Variants in TBC1D9 observed in about 807,000 individuals in gnomAD.
TBC1D9 encodes the protein TBC1 domain family member 9A.
A neutral mutation model predicts 132.0 loss-of-function variants in TBC1D9; 63 were observed. The observed-to-expected ratio is 0.48, with a 90% CI of 0.39 to 0.59. The LOEUF is 0.59. Ranked by LOEUF, TBC1D9 falls within the 20% of genes least tolerant of loss-of-function variation. The pLI is 0.00. For missense variants in TBC1D9, 1,261 were observed against 1,592.7 expected, an observed-to-expected ratio of 0.79 and a Z score of 3.54; for synonymous variants, 610 against 609.9, an observed-to-expected ratio of 1.00 and a Z score of 0.00.
At chr4:140,637,422 GTCC>G (rs1473273820) in intron 15 of TBC1D9, among the ~76,000 whole-genome samples, 1 of 151,798 alleles carries the variant, frequency 6.6e-6, no homozygotes, top group African/African-American at 2.4e-5. Context: ...GCCAGCCCTG[GTCC>G]TCCTTCTTTT....
intron 1 of TBC1D9, among the ~76,000 whole-genome samples, chr4:140,748,326 G>A (rs543728748): frequency 3.1e-4 from 47 of 152,218 alleles, no homozygotes; most frequent in South Asian, 1.0e-3. Context: ...TAGCCAAAAT[G>A]AAGTAAAACT....
At chr4:140,712,817 G>A (rs895634582) in intron 1 of TBC1D9, among the ~76,000 whole-genome samples, 2 of 151,928 alleles carry the variant, frequency 1.3e-5, no homozygotes, top group African/African-American at 2.4e-5. Context: ...GCCCATGCTG[G>A]AATGCAGTGG....
intron 1 of TBC1D9, among the ~76,000 whole-genome samples, chr4:140,725,148 T>C (rs778596083): frequency 7.9e-5 from 12 of 152,014 alleles, no homozygotes; most frequent in African/African-American, 2.7e-4. Flanking sequence ...TGCCGAAAAA[T>C]AGAATAAACG....
chr4:140,646,663 C>A (rs1488154921), intron 13 of TBC1D9, among the ~76,000 whole-genome samples: 1 of 152,032 alleles, frequency 6.6e-6, no homozygotes, highest in Non-Finnish European at 1.5e-5. Context: ...AAGGACTAAT[C>A]CAGGGAATTG....
At chr4:140,715,448 T>G (rs1560894247) in intron 1 of TBC1D9, among the ~76,000 whole-genome samples, 2 of 152,166 alleles carry the variant, frequency 1.3e-5, no homozygotes, top group South Asian at 4.1e-4. Flanking sequence ...CAAGTTGAAT[T>G]CATAGTACCT....
chr4:140,621,256 ATT>A lies in TBC1D9; in HGVS notation c.*937_*938del, dbSNP rs1307926531. Reference sequence around the variant, plus strand: ...TGGTCATATGCGATATGTGGTATAAATTTCTTCAATCTATGGAGAATACGGAA... The same window carrying A: ...TGGTCATATGCGATATGTGGTATAAATCTTCAATCTATGGAGAATACGGAA... On this transcript the variant is annotated 3_prime_UTR_variant, in exon 21 of 21. Transcript: ENST00000442267. The A allele has an allele frequency of 6.6e-6, 1 of 152,624 alleles. No homozygotes were observed. The highest frequency in any genetic ancestry group is 2.4e-5 in the African/African-American group (1 of 41,442). The allele number at this position is 152,624 out of a possible 1,614,324, so 9.5% of individuals were successfully genotyped here.
chr4:140,688,237 G>C (rs148989405), intron 2 of TBC1D9, among the ~76,000 whole-genome samples: 127 of 152,352 alleles, frequency 8.3e-4, no homozygotes, highest in African/African-American at 2.8e-3. Context: ...TGGGATAACT[G>C]TCCTACAATG....
At chr4:140,738,971 A>T (rs1164994931) in intron 1 of TBC1D9, among the ~76,000 whole-genome samples, 2 of 152,170 alleles carry the variant, frequency 1.3e-5, no homozygotes, top group South Asian at 2.1e-4. Flanking sequence ...GCCTCACTCT[A>T]CTAGCTCCCT....
rs975889955 is a variant in TBC1D9, at chr4:140,756,364, G to T, written c.-319C>A. On this transcript the variant is annotated 5_prime_UTR_variant, in exon 1 of 21. Transcript: ENST00000442267. This position sits in a 1 kb window ranked among gnomAD's most constrained non-coding sequence, Gnocchi z 5.6. ...GCAGCCCGGCTCCCGGCCCACGGCG[G>T]CGGGAGGAGCGGGAGGAGGAGGAAG... 1.3e-5 allele frequency among the ~76,000 whole-genome samples: 2 copies of T among 152,086 alleles called. No homozygotes were observed. The highest frequency in any genetic ancestry group is 1.5e-5 in the Non-Finnish European group (1 of 67,954).
chr4:140,755,459 T>A (rs1172626484), intron 1 of TBC1D9, among the ~76,000 whole-genome samples: 1 of 152,168 alleles, frequency 6.6e-6, no homozygotes. Flanking sequence ...CCACATCAGT[T>A]CCTTACTTAT....
chr4:140,634,001 A>G lies in TBC1D9; in HGVS notation c.2693T>C (p.Leu898Ser). The G allele has an allele frequency of 3.1e-6, 5 of 1,613,956 alleles. No homozygotes were observed. Among genetic ancestry groups the G allele is most frequent in the Non-Finnish European group, 4.2e-6 (5 of 1,179,872 alleles). Reference protein sequence around the residue: ...DVLASRLFQLLDENGDSLINF... With the variant: ...DVLASRLFQLSDENGDSLINF... ...AATCAAAGAGTCTCCATTTTCATCT[A>G]ATAACTGGAACAAGCGGGAGGCCAG... The change falls in exon 16 of 21, where the codon TTA (leucine) becomes TCA (serine). Residue 898 changes from leucine to serine, a missense_variant. Coordinates refer to ENST00000442267, the MANE Select transcript of TBC1D9 (RefSeq NM_015130.3).
chr4:140,657,508 G>A lies in TBC1D9; in HGVS notation c.2207+19C>T, dbSNP rs758438341. ...AAGAAAACCGGAGATGGTTTTCAAAGTTAGGCTTAGTACAATACCTTCCCA... is the reference window on the plus strand; with the variant it reads ...AAGAAAACCGGAGATGGTTTTCAAAATTAGGCTTAGTACAATACCTTCCCA... On this transcript the variant is annotated intron_variant, in intron 12 of 20. Transcript: ENST00000442267. 3.8e-6 allele frequency: 6 copies of A among 1,592,860 alleles called. No homozygotes were observed. The highest frequency in any genetic ancestry group is 8.6e-7 in the Non-Finnish European group (1 of 1,168,886).
chr4:140,670,674 C>T (rs1737520619), intron 7 of TBC1D9, 46 bp downstream of exon 7: 3 of 1,548,710 alleles, frequency 1.9e-6, no homozygotes, highest in Admixed American at 1.7e-5. Context: ...CACTTGGGCA[C>T]AGGAACAGGA....
Position 140,628,346 on chromosome 4 carries a change from G to T in TBC1D9, c.2766C>A (p.Asp922Glu), listed in dbSNP as rs781185070. Residue 922 changes from aspartate (D) to glutamate (E), a missense_variant, in exon 17 of 21, where the codon GAC becomes GAA. Asp to Glu is a conservative substitution (Grantham distance 45). Coordinates refer to ENST00000442267, the MANE Select transcript of TBC1D9 (RefSeq NM_015130.3). Reference protein sequence around the residue: ...VSGLSAACHGDLTEKLKLLYK... With the variant: ...VSGLSAACHGELTEKLKLLYK... ...ACAGGAGTTTGAGCTTCTCTGTGAG[G>T]TCCCCATGGCATGCAGCACCTAGAA... is the stretch of plus-strand genomic sequence containing the variant. 3.7e-6 allele frequency: 6 copies of T among 1,613,754 alleles called. No individual in the cohort carries two copies. In the South Asian group the frequency reaches 6.6e-5, roughly 18 times the overall value.
At chr4:140,628,644 T>C (rs753597121) in intron 16 of TBC1D9, among the ~76,000 whole-genome samples, 82 of 152,182 alleles carry the variant, frequency 5.4e-4, no homozygotes, top group Non-Finnish European at 1.1e-3. Context: ...CCAGTGATCT[T>C]GATGTCAGGA....
chr4:140,753,477 G>A (rs1738956968), intron 1 of TBC1D9, among the ~76,000 whole-genome samples: 1 of 152,120 alleles, frequency 6.6e-6, no homozygotes, highest in Admixed American at 6.5e-5. Context: ...GTCAGGGCAT[G>A]TACTCCCCAC....
chr4:140,747,315 G>C (rs796933559), intron 1 of TBC1D9, among the ~76,000 whole-genome samples: 113 of 151,686 alleles, frequency 7.4e-4, no homozygotes, highest in African/African-American at 2.6e-3. Flanking sequence ...GTGTGCCACT[G>C]CACTCCCGCC....
At chr4:140,671,122 T>C (rs548712377) in intron 6 of TBC1D9, among the ~76,000 whole-genome samples, 196 bp from the exon 7 acceptor site, 2 of 152,304 alleles carry the variant, frequency 1.3e-5, no homozygotes, top group East Asian at 1.9e-4. Flanking sequence ...CTGGAGCTTA[T>C]ACTAGAAACT....
At chr4:140,737,578 T>G (rs1316770392) in intron 1 of TBC1D9, among the ~76,000 whole-genome samples, 1 of 151,510 alleles carries the variant, frequency 6.6e-6, no homozygotes. Context: ...AGGATAAGAG[T>G]AAGAGACAAG....
Sources: gnomAD v4.1 joint callset for allele counts (sites outside exome capture counted in the v4.1 genomes callset) on GRCh38, gnomAD v4.1.1 for gene constraint, Gnocchi (gnomAD v3.1) non-coding constraint, MANE v1.5 for transcripts, NCBI Gene and HGNC (gene_info 2026-07-23, HGNC 2026-07-21) for gene names.